The following CNTN1 variants were observed in gnomAD, a reference collection of about 807,000 sequenced individuals.
The protein encoded by CNTN1 is contactin 1.
In CNTN1, 38 loss-of-function variants were observed where a neutral mutation model predicts 126.4. That is an observed-to-expected ratio of 0.30 (90% CI 0.23 to 0.39). The LOEUF (loss-of-function observed/expected upper bound fraction) is 0.39, where lower values mean the gene tolerates loss of function less well. Ranked by LOEUF, CNTN1 falls within the 10% of genes least tolerant of loss-of-function variation. The pLI is 1.00. For synonymous variants in CNTN1, 413 were observed against 422.6 expected, an observed-to-expected ratio of 0.98 and a Z score of 0.28; for missense variants, 1,009 against 1,248.4, an observed-to-expected ratio of 0.81 and a Z score of 2.89.
chr12:40,818,044 A>C (rs1343238674), intron 1 of CNTN1, among the ~76,000 whole-genome samples: 1 of 152,064 alleles, frequency 6.6e-6, no homozygotes, highest in Admixed American at 6.5e-5. Flanking sequence ...TGTTATTCTA[A>C]TGGGCTTCCC....
rs1591979142 is a variant in CNTN1 at position 40,693,696 on chromosome 12, T to C, written c.-77+1104T>C. On this transcript the variant is annotated intron_variant, in intron 1 of 23. Transcript: ENST00000551295. ...TGCACATCTCCAAGGTGGAGCTATA[T>C]ATAGCTCCTGCATACCCAGCCCGGC... Among the ~76,000 whole-genome samples the C allele has an allele frequency of 2.0e-5, 3 of 152,218 alleles. No homozygotes were observed. In the East Asian group the frequency reaches 5.8e-4, roughly 29 times the overall value.
At position 40,964,525 on chromosome 12, in the gene CNTN1, AGTGTGTGTGTGT is replaced by A. The variant is rs369450437; in HGVS notation, c.1804+5315_1804+5326del. ...TTTAGGTGAAAACACCGTGTAAGTG[AGTGTGTGTGTGT>A]GTGTGTGTGTGTGTGTGTGTGTGCA... On this transcript the variant is annotated intron_variant, in intron 15 of 23. Coordinates refer to ENST00000551295, the MANE Select transcript of CNTN1 (RefSeq NM_001843.4). 5.1e-3 allele frequency among the ~76,000 whole-genome samples: 533 copies of A among 104,820 alleles called. 1 individual carries two copies. The highest frequency in any genetic ancestry group is 0.011 in the African/African-American group (376 of 33,320). 68.8% of individuals were successfully genotyped at this position (104,820 alleles called of 152,430 possible).
chr12:40,720,856 G>A (rs1442920744), intron 1 of CNTN1, among the ~76,000 whole-genome samples: 14 of 151,958 alleles, frequency 9.2e-5, no homozygotes, highest in Admixed American at 9.2e-4. Flanking sequence ...TCGAACCAGG[G>A]AGTTGGAGGT....
intron 23 of CNTN1, among the ~76,000 whole-genome samples, chr12:41,039,087 C>T (rs1475456194): frequency 2.0e-5 from 3 of 152,138 alleles, no homozygotes; most frequent in Non-Finnish European, 4.4e-5. Flanking sequence ...TTTATAGGTC[C>T]TGATTAAGGA....
chr12:40,716,109 TAAGGA>T (rs1306814280), intron 1 of CNTN1, among the ~76,000 whole-genome samples: 2 of 152,068 alleles, frequency 1.3e-5, no homozygotes, highest in Non-Finnish European at 2.9e-5. Flanking sequence ...AAAAAAAATC[TAAGGA>T]AAGAAGCTTG....
At chr12:40,836,015 T>TAC (rs55924219) in intron 1 of CNTN1, among the ~76,000 whole-genome samples, 7 of 150,500 alleles carry the variant, frequency 4.7e-5, no homozygotes, top group African/African-American at 1.7e-4. Flanking sequence ...TGTGTATATA[T>TAC]GTATGCATAT....
chr12:40,751,093 G>T (rs574332973), intron 1 of CNTN1, among the ~76,000 whole-genome samples: 1 of 152,184 alleles, frequency 6.6e-6, no homozygotes, highest in South Asian at 2.1e-4. Flanking sequence ...CATTTATAGA[G>T]TGTTCAGTTT....
chr12:41,065,697 T>TAATA (rs1371453124), intron 23 of CNTN1, among the ~76,000 whole-genome samples: 1 of 152,132 alleles, frequency 6.6e-6, no homozygotes, highest in Non-Finnish European at 1.5e-5. Context: ...GTATTCCCAC[T>TAATA]AATAGGTGGG....
intron 1 of CNTN1, among the ~76,000 whole-genome samples, chr12:40,703,220 A>G (rs1191444244): frequency 1.3e-5 from 2 of 152,192 alleles, no homozygotes; most frequent in African/African-American, 4.8e-5. Context: ...AATAATATAA[A>G]TGAAGCATAG....
chr12:41,051,323 T>A (rs1566221780), intron 23 of CNTN1, among the ~76,000 whole-genome samples: 1 of 151,622 alleles, frequency 6.6e-6, no homozygotes, highest in African/African-American at 2.4e-5. Flanking sequence ...AATTTTTTTT[T>A]TTATTTTTTA....
At chr12:40,971,375 T>G in intron 15 of CNTN1, 9 of 1,443,574 alleles carry the variant, frequency 6.2e-6, no homozygotes, top group Non-Finnish European at 8.5e-6. Context: ...AGTGCATGGC[T>G]TCCTGCCCCT....
intron 1 of CNTN1, among the ~76,000 whole-genome samples, chr12:40,781,624 C>A (rs1391430434): frequency 1.3e-5 from 2 of 151,932 alleles, no homozygotes; most frequent in African/African-American, 4.8e-5. Flanking sequence ...TAAATTTCAT[C>A]ATTAATCAAT....
At chr12:40,982,679 T>A (rs1266309395) in intron 16 of CNTN1, among the ~76,000 whole-genome samples, 1 of 151,974 alleles carries the variant, frequency 6.6e-6, no homozygotes, top group Non-Finnish European at 1.5e-5. Context: ...TATGTATAGG[T>A]GAGTAGCAGT....
chr12:41,028,998 T>C, intron 22 of CNTN1, 65 bp from the exon 23 acceptor site: 1 of 1,451,334 alleles, frequency 6.9e-7, no homozygotes, highest in South Asian at 1.1e-5. Flanking sequence ...ATTCTGGTTT[T>C]AGTGTTAGAG....
At position 40,933,537 on chromosome 12, in the gene CNTN1, C is replaced by T. The variant is rs1337905646; in HGVS notation, c.780C>T (p.Thr260=). 6.2e-7 allele frequency: 1 copy of T among 1,610,602 alleles called. No individual in the cohort carries two copies. Among genetic ancestry groups the T allele is most frequent in the Admixed American group, 1.7e-5 (1 of 59,880 alleles). ...DVYALMGQNV[T]LECFALGNPV... is the part of the protein sequence containing the mutation. ...ATGCATTGATGGGCCAAAATGTGAC[C>T]TTAGAATGTTTTGCACTTGGAAAGT... The change falls in exon 8 of 24, where the codon ACC becomes ACT. Residue 260 remains threonine, a synonymous_variant. Transcript: ENST00000551295.
intron 23 of CNTN1, among the ~76,000 whole-genome samples, chr12:41,045,065 G>A (rs907847383): frequency 2.0e-5 from 3 of 151,950 alleles, no homozygotes; most frequent in African/African-American, 4.8e-5. Flanking sequence ...TTCTATGAAT[G>A]TTGATTTACT....
chr12:40,813,604 T>A (rs1941163889), intron 1 of CNTN1, among the ~76,000 whole-genome samples: 1 of 152,224 alleles, frequency 6.6e-6, no homozygotes, highest in Non-Finnish European at 1.5e-5. Flanking sequence ...TTGGTGGGCA[T>A]TTGGGTGGGT....
At chr12:40,906,396 A>T (rs1355815557) in intron 1 of CNTN1, among the ~76,000 whole-genome samples, 2 of 152,232 alleles carry the variant, frequency 1.3e-5, no homozygotes, top group Non-Finnish European at 2.9e-5. Context: ...TATATTAAAA[A>T]GGAAAAATAT....
chr12:41,006,122 G>C (rs1278599862), intron 17 of CNTN1, among the ~76,000 whole-genome samples: 2 of 152,096 alleles, frequency 1.3e-5, no homozygotes, highest in Admixed American at 6.6e-5. Context: ...ATGACCTTGA[G>C]GGTTTGATTG....
Sources: allele counts gnomAD v4.1 joint callset (sites outside exome capture counted in the v4.1 genomes callset), GRCh38; gene constraint gnomAD v4.1.1; transcripts MANE v1.5; gene names NCBI Gene and HGNC (gene_info 2026-07-23, HGNC 2026-07-21).